Variants in PFKM observed in about 807,000 individuals in gnomAD.
PFKM encodes phosphofructokinase, muscle, also known as ATP-dependent 6-phosphofructokinase, muscle type.
Under a neutral mutation model 95.5 loss-of-function variants are expected in PFKM, and 58 were observed. The ratio of observed to expected loss-of-function variants is 0.61; its 90% CI spans 0.49 to 0.76. PFKM has a LOEUF of 0.76. Among genes scored for constraint, PFKM ranks in the 30% least tolerant of loss-of-function variants. The pLI is 0.00. For synonymous variants in PFKM, 336 were observed against 357.2 expected, an observed-to-expected ratio of 0.94 and a Z score of 0.67; for missense variants, 678 against 1,005.4, an observed-to-expected ratio of 0.67 and a Z score of 4.40.
intron 2 of PFKM, among the ~76,000 whole-genome samples, chr12:48,124,267 A>G (rs1948591515): frequency 6.6e-6 from 1 of 152,214 alleles, no homozygotes; most frequent in South Asian, 2.1e-4. Context: ...AGGAATGCAG[A>G]GCCCTAGTTG....
rs768460935 is a variant in PFKM, at chr12:48,142,952, T to C, written c.1818+6T>C. Reference sequence around the variant, plus strand: ...TCACCATTCGAGACCTGCAGGTAGCTGGCCACCCAGAGCCTGCTAGATAGC... The same window carrying C: ...TCACCATTCGAGACCTGCAGGTAGCCGGCCACCCAGAGCCTGCTAGATAGC... On this transcript the variant is annotated splice_donor_region_variant and intron_variant, in intron 18 of 22. Transcript: ENST00000359794. 12 of 1,612,784 alleles carry C rather than the reference T, an allele frequency of 7.4e-6. No individual in the cohort carries two copies. The highest frequency in any genetic ancestry group is 1.8e-4 in the Middle Eastern group (1 of 5,454).
chr12:48,135,438 C>T (rs760031971), intron 10 of PFKM, 55 bp downstream of exon 10: 160 of 1,291,932 alleles, frequency 1.2e-4, no homozygotes, highest in Admixed American at 4.6e-4. Flanking sequence ...CCTTGTAGTC[C>T]TGCCCCCTCA....
chr12:48,135,914 A>AGTCTCTCTCTGTCGC (rs1950038207), intron 10 of PFKM, among the ~76,000 whole-genome samples: 1 of 140,196 alleles, frequency 7.1e-6, no homozygotes, highest in Non-Finnish European at 1.5e-5. Flanking sequence ...TTTGAGACGC[A>AGTCTCTCTCTGTCGC]CCATTGCACT....
rs1308946694 is a variant in PFKM at position 48,132,865 on chromosome 12, A to G, written c.238-3A>G. 8 of 1,609,672 alleles carry G rather than the reference A, an allele frequency of 5.0e-6. No individual in the cohort carries two copies. Among genetic ancestry groups the G allele is most frequent in the Non-Finnish European group, 5.9e-6 (7 of 1,177,890 alleles). The stretch of plus-strand genomic sequence containing the variant: ...GGGGAGCTGACTTCTACCTCTTCCA[A>G]AGGGAGGCACGGTGATTGGAAGTGC... On this transcript the variant is annotated splice_polypyrimidine_tract_variant and splice_region_variant and intron_variant, in intron 4 of 22. Transcript: ENST00000359794.
intron 4 of PFKM, chr12:48,132,263 T>C (rs112080634): frequency 3.2e-5 from 11 of 348,194 alleles, no homozygotes; most frequent in South Asian, 1.8e-4. Flanking sequence ...CAGGGACTTA[T>C]AGATACCTCT....
intron 10 of PFKM, 61 bp downstream of exon 10, chr12:48,135,444 C>T (rs1457634167): frequency 2.5e-5 from 30 of 1,208,854 alleles, no homozygotes; most frequent in Non-Finnish European, 3.7e-5. Context: ...AGTCCTGCCC[C>T]CTCAGGGCTG....
Position 48,145,473 on chromosome 12 carries a change from C to T in PFKM, c.2199-91C>T. On this transcript the variant is annotated intron_variant, in intron 22 of 22. Transcript: ENST00000359794. This position sits in a 1 kb window ranked among gnomAD's most constrained non-coding sequence, Gnocchi z 4.3. The stretch of plus-strand genomic sequence containing the variant: ...GTGATGCACATGTCCTAAATCTAAC[C>T]TCTTCTGTCTAACTTCTTCCTATAA... The T allele has an allele frequency of 6.7e-7, 1 of 1,494,822 alleles. No homozygotes were observed. The highest frequency in any genetic ancestry group is 9.3e-7 in the Non-Finnish European group (1 of 1,076,060). 92.6% of individuals were successfully genotyped at this position (1,494,822 alleles called of 1,614,324 possible). A position where few individuals can be genotyped will look rare whatever the true frequency, so the allele number is the denominator to read the frequency against.
intron 11 of PFKM, 100 bp from the exon 12 acceptor site, chr12:48,139,185 C>A: frequency 1.1e-6 from 1 of 911,672 alleles, no homozygotes; most frequent in South Asian, 1.3e-5. Context: ...AGGATCTAGT[C>A]ACAATCCCAG....
In PFKM at chr12:48,145,345, T is replaced by TAG; in HGVS notation, c.2198+30_2198+31insAG. The TAG allele has an allele frequency of 6.4e-7, 1 of 1,559,328 alleles. No homozygotes were observed. The highest frequency in any genetic ancestry group is 1.1e-5 in the South Asian group (1 of 89,960). ...GTACATCTGCTTCCTGGAGTGGTTC[T>TAG]TTTCCCTGGTAGTTTCAAGCTCTAC... On this transcript the variant is annotated intron_variant, in intron 22 of 22. Transcript: ENST00000359794. This position sits in a 1 kb window ranked among gnomAD's most constrained non-coding sequence, Gnocchi z 4.3.
At chr12:48,113,689 TC>T (rs1253802257) in intron 3 of PFKM, among the ~76,000 whole-genome samples, 5 of 152,234 alleles carry the variant, frequency 3.3e-5, no homozygotes, top group African/African-American at 4.8e-5. Flanking sequence ...GGCTGGGGTT[TC>T]TCTCACAGTG....
intron 3 of PFKM, among the ~76,000 whole-genome samples, chr12:48,110,202 G>GGAC (rs1007417456): frequency 3.9e-5 from 6 of 152,134 alleles, no homozygotes; most frequent in Admixed American, 1.3e-4. Context: ...CCAGAAAAGG[G>GGAC]GACAATAGGC....
At chr12:48,122,514 G>T in intron 1 of PFKM, 3 of 1,176,906 alleles carry the variant, frequency 2.5e-6, no homozygotes, top group East Asian at 6.8e-5. Flanking sequence ...GGTTCCAATT[G>T]GGGTGGGAGG....
chr12:48,110,338 T>C (rs1947071943), intron 3 of PFKM, among the ~76,000 whole-genome samples: 1 of 152,174 alleles, frequency 6.6e-6, no homozygotes, highest in South Asian at 2.1e-4. Flanking sequence ...ATGGACACTT[T>C]TGAGCTCTGG....
intron 12 of PFKM, 128 bp downstream of exon 12, chr12:48,139,477 G>C (rs1950396686): frequency 2.6e-6 from 2 of 763,412 alleles, no homozygotes; most frequent in African/African-American, 3.4e-5. Context: ...TCTGCAGCAA[G>C]TTCCTGCCCA....
chr12:48,106,058 T>C (rs886878478), exon 1 of PFKM: 4 of 702,136 alleles, frequency 5.7e-6, no homozygotes, highest in African/African-American at 1.7e-5. Context: ...TGCGAAGGGG[T>C]TTCCGGCCGG....
Position 48,131,455 on chromosome 12 carries a change from T to G in PFKM, c.237+62T>G. ...TGTCCTTGTTTCATCCCACTCTGTTTTGGGCTCATGGTCTCCTAAATTCCC... is the reference window on the plus strand; with the variant it reads ...TGTCCTTGTTTCATCCCACTCTGTTGTGGGCTCATGGTCTCCTAAATTCCC... On this transcript the variant is annotated intron_variant, in intron 4 of 22. Coordinates refer to ENST00000359794, the MANE Select transcript of PFKM (RefSeq NM_000289.6). 2.5e-6 allele frequency: 3 copies of G among 1,213,988 alleles called. No individual in the cohort carries two copies. In the South Asian group the frequency reaches 3.6e-5, roughly 15 times the overall value. 75.2% of individuals were successfully genotyped at this position (1,213,988 alleles called of 1,614,324 possible).
In PFKM at chr12:48,122,875, C is replaced by T; in HGVS notation, c.85+16C>T. 6.2e-7 allele frequency: 1 copy of T among 1,611,516 alleles called. No individual in the cohort carries two copies. ...GATGCCCAAGGTAAGGAGGAGGGGA[C>T]AAAAAACATGGCTGGTGGGACTTTT... is the stretch of plus-strand genomic sequence containing the variant. On this transcript the variant is annotated intron_variant, in intron 2 of 22. Transcript: ENST00000359794.
At chr12:48,121,774 A>G (rs967568123) in intron 1 of PFKM, among the ~76,000 whole-genome samples, 3 of 152,188 alleles carry the variant, frequency 2.0e-5, no homozygotes, top group African/African-American at 4.8e-5. Context: ...GAGGATAGAA[A>G]GGAGGGGATG....
intron 2 of PFKM, among the ~76,000 whole-genome samples, chr12:48,124,127 T>C (rs1948578490): frequency 6.6e-6 from 1 of 152,230 alleles, no homozygotes; most frequent in South Asian, 2.1e-4. Context: ...ATTAGTATAT[T>C]AGTAAAGCTA....
Sources: allele counts gnomAD v4.1 joint callset (sites outside exome capture counted in the v4.1 genomes callset), GRCh38; gene constraint gnomAD v4.1.1; non-coding constraint Gnocchi (gnomAD v3.1); transcripts MANE v1.5; gene names NCBI Gene and HGNC (gene_info 2026-07-23, HGNC 2026-07-21).